The following HECTD2 variants were observed in gnomAD, a reference collection of about 807,000 sequenced individuals.
HECTD2 encodes the protein probable E3 ubiquitin-protein ligase HECTD2.
HECTD2 carries 35 observed loss-of-function variants against 103.2 expected under a neutral mutation model. The ratio of observed to expected loss-of-function variants is 0.34; its 90% CI spans 0.26 to 0.45. The LOEUF is 0.45. Ranked by LOEUF, HECTD2 falls within the 20% of genes least tolerant of loss-of-function variation. The probability of loss-of-function intolerance (pLI) is 1.00; values close to 1 mark genes in which losing one functional copy is unlikely to be tolerated. For missense variants in HECTD2, 596 were observed against 937.4 expected (o/e 0.64, Z 4.76); for synonymous variants, 281 against 329.9 (o/e 0.85, Z 1.61).
chr10:91,433,659 A>G (rs961424830), intron 2 of HECTD2, among the ~76,000 whole-genome samples: 1 of 151,964 alleles, frequency 6.6e-6, no homozygotes, highest in African/African-American at 2.4e-5. Context: ...GACTCTGTAC[A>G]TATGTCGCTT....
intron 7 of HECTD2, among the ~76,000 whole-genome samples, chr10:91,481,585 T>A (rs564947352): frequency 6.6e-6 from 1 of 151,604 alleles, no homozygotes; most frequent in African/African-American, 2.4e-5. Flanking sequence ...AGAATTCTTA[T>A]GGAAAGATAA....
intron 2 of HECTD2, among the ~76,000 whole-genome samples, chr10:91,455,570 A>C (rs1281274590): frequency 1.3e-5 from 2 of 152,022 alleles, no homozygotes; most frequent in Non-Finnish European, 2.9e-5. Context: ...GAAGCTCTTT[A>C]GTTTAATTAG....
At chr10:91,463,881 A>G (rs918242770) in intron 5 of HECTD2, among the ~76,000 whole-genome samples, 1 of 152,258 alleles carries the variant, frequency 6.6e-6, no homozygotes, top group African/African-American at 2.4e-5. Flanking sequence ...AATACTTGGC[A>G]TGATCTCCTA....
At chr10:91,467,742 T>C (rs1000297186) in intron 5 of HECTD2, among the ~76,000 whole-genome samples, 2 of 151,888 alleles carry the variant, frequency 1.3e-5, no homozygotes, top group African/African-American at 2.4e-5. Context: ...GTGGACCTCA[T>C]TTCTCCCCAC....
chr10:91,505,131 A>G (rs1307953351), intron 20 of HECTD2, among the ~76,000 whole-genome samples: 2 of 152,082 alleles, frequency 1.3e-5, no homozygotes, highest in Non-Finnish European at 2.9e-5. Context: ...AGCACTAAAC[A>G]TGGAAAGGAA....
At chr10:91,483,114 C>A in intron 8 of HECTD2, 38 bp downstream of exon 8, 1 of 901,342 alleles carries the variant, frequency 1.1e-6, no homozygotes, top group South Asian at 1.5e-5. Flanking sequence ...TTTATAGTCT[C>A]ACAGTTTTAA....
intron 1 of HECTD2, among the ~76,000 whole-genome samples, chr10:91,420,160 A>G (rs2133002848): frequency 6.6e-6 from 1 of 152,246 alleles, no homozygotes; most frequent in Admixed American, 6.5e-5. Flanking sequence ...AATGTGTGAA[A>G]ATGTCTGATT....
rs1244928803 is a variant in HECTD2, at chr10:91,501,306, A to G, written c.2182A>G (p.Ile728Val). The change falls in exon 20 of 21, where the codon ATC becomes GTC. Residue 728 changes from isoleucine to valine, a missense_variant. Physicochemically the swap from Ile to Val is conservative, Grantham distance 29. Transcript: ENST00000298068. ...AGGGATGGCTGATTTGAACTTTAAAATCTCAAAGAATGAAACTTCTACTAA... is the reference window on the plus strand; with the variant it reads ...AGGGATGGCTGATTTGAACTTTAAAGTCTCAAAGAATGAAACTTCTACTAA... ...VGGMADLNFKISKNETSTNCL... is the reference protein window; with the variant it reads ...VGGMADLNFKVSKNETSTNCL... 6.3e-7 allele frequency: 1 copy of G among 1,598,926 alleles called. No homozygotes were observed. Among genetic ancestry groups the G allele is most frequent in the Non-Finnish European group, 8.5e-7 (1 of 1,173,844 alleles).
At chr10:91,445,832 TG>T (rs760707604) in intron 2 of HECTD2, among the ~76,000 whole-genome samples, 33 of 152,104 alleles carry the variant, frequency 2.2e-4, no homozygotes, top group Admixed American at 5.2e-4. Flanking sequence ...GACTGTGCCC[TG>T]AGGAACGGTG....
chr10:91,428,724 T>G (rs1266249424), intron 2 of HECTD2, among the ~76,000 whole-genome samples: 2 of 151,980 alleles, frequency 1.3e-5, no homozygotes, highest in African/African-American at 2.4e-5. Flanking sequence ...TGTACATTGA[T>G]TTTGTATCCT....
chr10:91,421,537 A>G (rs547712675), intron 1 of HECTD2, among the ~76,000 whole-genome samples: 51 of 152,334 alleles, frequency 3.3e-4, no homozygotes, highest in African/African-American at 1.2e-3. Flanking sequence ...ATGTTTTAAG[A>G]AAGTTTATGA....
At chr10:91,425,443 G>T in intron 2 of HECTD2, 33 bp downstream of exon 2, 1 of 1,389,946 alleles carries the variant, frequency 7.2e-7, no homozygotes, top group East Asian at 2.7e-5. Context: ...TTGGCTAAAA[G>T]TATATTTTTA....
At chr10:91,468,054 C>T (rs187312113) in intron 5 of HECTD2, among the ~76,000 whole-genome samples, 1 of 152,332 alleles carries the variant, frequency 6.6e-6, no homozygotes, top group Non-Finnish European at 1.5e-5. Flanking sequence ...GATGTGTGTG[C>T]ATCCCATCAC....
intron 1 of HECTD2, among the ~76,000 whole-genome samples, chr10:91,421,907 T>C (rs749765399): frequency 6.6e-6 from 1 of 152,222 alleles, no homozygotes; most frequent in Non-Finnish European, 1.5e-5. Flanking sequence ...GCTTCAGACT[T>C]ACACCTGAAA....
chr10:91,456,385 T>C (rs1183479615), intron 2 of HECTD2, among the ~76,000 whole-genome samples: 2 of 152,186 alleles, frequency 1.3e-5, no homozygotes, highest in Admixed American at 6.6e-5. Flanking sequence ...TTGTCTGTTA[T>C]TGGTGTATAA....
At chr10:91,410,331 G>A, upstream of HECTD2, 1 of 582,092 alleles carries the variant, frequency 1.7e-6, no homozygotes, top group African/African-American at 2.0e-5. Flanking sequence ...GCGGCGGCTA[G>A]AAGCGGCAGC....
chr10:91,485,396 G>T (rs1245579059), intron 10 of HECTD2, 93 bp downstream of exon 10: 6 of 879,900 alleles, frequency 6.8e-6, no homozygotes, highest in African/African-American at 1.8e-5. Flanking sequence ...TTACACATAC[G>T]TTTACATATA....
intron 5 of HECTD2, among the ~76,000 whole-genome samples, chr10:91,466,542 T>G (rs1845538103): frequency 6.6e-6 from 1 of 152,240 alleles, no homozygotes; most frequent in Non-Finnish European, 1.5e-5. Context: ...CATTCAGTGC[T>G]ATACATTTCC....
intron 1 of HECTD2, among the ~76,000 whole-genome samples, chr10:91,413,619 T>C (rs1843007645): frequency 6.6e-6 from 1 of 152,260 alleles, no homozygotes; most frequent in Non-Finnish European, 1.5e-5. Flanking sequence ...CTCTATATAC[T>C]GAATCAAAAG....
Sources: gnomAD v4.1 joint callset for allele counts (sites outside exome capture counted in the v4.1 genomes callset) on GRCh38, gnomAD v4.1.1 for gene constraint, MANE v1.5 for transcripts, NCBI Gene and HGNC (gene_info 2026-07-23, HGNC 2026-07-21) for gene names.